ZNF680: variants seen among roughly 807,000 people sequenced by gnomAD.
ZNF680 encodes hypothetical protein FLJ90430.
ZNF680 carries 6 observed loss-of-function variants against 12.1 expected under a neutral mutation model. The ratio of observed to expected loss-of-function variants is 0.49; its 90% CI spans 0.27 to 0.98. The LOEUF is 0.98. ZNF680 is among the 50% of genes least tolerant of loss of function. The pLI, the probability that ZNF680 is intolerant of heterozygous loss-of-function variation, is 0.12. For missense variants in ZNF680, 561 were observed against 616.3 expected (o/e 0.91, Z 0.95); for synonymous variants, 170 against 199.3 (o/e 0.85, Z 1.24).
chr7:64,553,623 CCTCT>C (rs1490241891), intron 1 of ZNF680, among the ~76,000 whole-genome samples: 1 of 152,230 alleles, frequency 6.6e-6, no homozygotes, highest in Non-Finnish European at 1.5e-5. Flanking sequence ...CTCCTGTCTC[CCTCT>C]GATGCCAAGC....
intron 1 of ZNF680, among the ~76,000 whole-genome samples, chr7:64,548,024 G>C (rs182064972): frequency 1.3e-5 from 2 of 152,312 alleles, no homozygotes; most frequent in East Asian, 3.9e-4. Flanking sequence ...AATCTTAGCA[G>C]AACTGGGGCA....
chr7:64,554,353 C>T (rs933582467), intron 1 of ZNF680, among the ~76,000 whole-genome samples: 3 of 151,882 alleles, frequency 2.0e-5, no homozygotes, highest in Non-Finnish European at 2.9e-5. Flanking sequence ...GCCTGGCAGC[C>T]GCCCCGTCCG....
chr7:64,559,733 T>G (rs760073401), intron 1 of ZNF680, among the ~76,000 whole-genome samples: 1 of 152,114 alleles, frequency 6.6e-6, no homozygotes, highest in Non-Finnish European at 1.5e-5. Context: ...CCACCCACCT[T>G]GGCCTCCCAA....
rs772325488 is a variant in ZNF680 at position 64,521,540 on chromosome 7, G to A, written c.1214C>T (p.Pro405Leu). 6.2e-7 allele frequency: 1 copy of A among 1,613,178 alleles called. No homozygotes were observed. The highest frequency in any genetic ancestry group is 1.1e-5 in the South Asian group (1 of 91,072). Residue 405 changes from proline (P) to leucine (L), a missense_variant, in exon 4 of 4, where the codon CCC becomes CTC. Pro to Leu is a moderately conservative substitution (Grantham distance 98, BLOSUM62 -3). Coordinates refer to ENST00000309683, the MANE Select transcript of ZNF680 (RefSeq NM_178558.5). Reference protein sequence around the residue: ...EHMRIHTGEKPYKCEECGKAF... With the variant: ...EHMRIHTGEKLYKCEECGKAF... ...TTTGCCACATTCTTCACATTTGTAG[G>A]GTTTCTCTCCAGTATGAATTCTCAT...
At chr7:64,531,051 CA>C (rs1785846394) in intron 3 of ZNF680, among the ~76,000 whole-genome samples, 1 of 151,860 alleles carries the variant, frequency 6.6e-6, no homozygotes, top group African/African-American at 2.4e-5. Context: ...TTCAATAGTC[CA>C]CTGACAGAAC....
chr7:64,508,632 G>A, the ZNF680 span, among the ~76,000 whole-genome samples: 1 of 152,040 alleles, frequency 6.6e-6, no homozygotes, highest in Non-Finnish European at 1.5e-5. Context: ...TTCCAATCTA[G>A]CTACTTTTCA....
chr7:64,542,603 AT>A (rs1284556075), intron 3 of ZNF680, among the ~76,000 whole-genome samples: 26 of 152,210 alleles, frequency 1.7e-4, no homozygotes, highest in African/African-American at 5.5e-4. Context: ...AAACAATCTT[AT>A]TTACAGTAGC....
chr7:64,530,894 G>GTAA (rs1161917039), intron 3 of ZNF680, among the ~76,000 whole-genome samples: 343 of 143,448 alleles, frequency 2.4e-3, no homozygotes, highest in African/African-American at 7.5e-3. Context: ...AATAATAATA[G>GTAA]TAATAATAAT....
At chr7:64,526,306 T>C (rs956950311) in intron 3 of ZNF680, 3 of 1,173,804 alleles carry the variant, frequency 2.6e-6, no homozygotes, top group African/African-American at 3.2e-5. Flanking sequence ...TCAAGATTAG[T>C]GTACTTTAAA....
intron 1 of ZNF680, among the ~76,000 whole-genome samples, chr7:64,549,493 T>C (rs1786957194): frequency 6.6e-6 from 1 of 152,156 alleles, no homozygotes; most frequent in Non-Finnish European, 1.5e-5. Flanking sequence ...TGGTTTTCTG[T>C]ACATTCTCAA....
At chr7:64,535,106 A>G (rs1786090838) in intron 3 of ZNF680, among the ~76,000 whole-genome samples, 1 of 152,228 alleles carries the variant, frequency 6.6e-6, no homozygotes, top group South Asian at 2.1e-4. Context: ...AATTACCACT[A>G]AAGAACTTAC....
the ZNF680 span, among the ~76,000 whole-genome samples, chr7:64,504,143 T>C: frequency 6.6e-6 from 1 of 152,234 alleles, no homozygotes; most frequent in African/African-American, 2.4e-5. Context: ...AATAGTCTCA[T>C]CTATAGTTAT....
the ZNF680 span, among the ~76,000 whole-genome samples, chr7:64,510,942 TAAAAATA>T: frequency 0.59 from 46,216 of 78,660 alleles, 15,384 homozygotes; most frequent in African/African-American, 0.8. Flanking sequence ...AAAATAAAAA[TAAAAATA>T]AAAATAAAAC....
chr7:64,521,132 G>T lies in ZNF680; in HGVS notation c.*29C>A. Reference sequence around the variant, plus strand: ...TTCACATTTTTAGGGTTTCTCAACAGGATGGTGTCTTTTATGTTTAGAAAA... The same window carrying T: ...TTCACATTTTTAGGGTTTCTCAACATGATGGTGTCTTTTATGTTTAGAAAA... On this transcript the variant is annotated 3_prime_UTR_variant, in exon 4 of 4. Coordinates refer to ENST00000309683, the MANE Select transcript of ZNF680 (RefSeq NM_178558.5). 6.4e-7 allele frequency: 1 copy of T among 1,568,056 alleles called. No individual in the cohort carries two copies. Among genetic ancestry groups the T allele is most frequent in the Non-Finnish European group, 8.6e-7 (1 of 1,158,732 alleles).
the ZNF680 span, among the ~76,000 whole-genome samples, chr7:64,504,721 G>GTGCA: frequency 6.6e-6 from 1 of 152,150 alleles, no homozygotes; most frequent in Non-Finnish European, 1.5e-5. Context: ...CCAAGAGGAA[G>GTGCA]TGCACCACAT....
intron 3 of ZNF680, chr7:64,526,651 T>C: frequency 3.2e-6 from 1 of 316,936 alleles, no homozygotes; most frequent in Non-Finnish European, 5.7e-6. Context: ...ATACAATTCT[T>C]TACTCTCATA....
At chr7:64,527,529 C>T (rs1416790277) in intron 3 of ZNF680, among the ~76,000 whole-genome samples, 1 of 152,002 alleles carries the variant, frequency 6.6e-6, no homozygotes, top group African/African-American at 2.4e-5. Context: ...ATCCCCGTCT[C>T]TACTAAAAAT....
chr7:64,517,223 G>C (rs150077558), downstream of ZNF680, among the ~76,000 whole-genome samples: 164 of 152,112 alleles, frequency 1.1e-3, 1 homozygote, highest in African/African-American at 3.7e-3. Flanking sequence ...GAAAAAAAGA[G>C]AGAATATTCA....
At chr7:64,510,743 T>C in the ZNF680 span, among the ~76,000 whole-genome samples, 1 of 130,554 alleles carries the variant, frequency 7.7e-6, no homozygotes, top group South Asian at 2.7e-4. Context: ...ACCCCGTCTC[T>C]ACTAAAAATA....
Sources: gnomAD v4.1 joint callset for allele counts (sites outside exome capture counted in the v4.1 genomes callset) on GRCh38, gnomAD v4.1.1 for gene constraint, MANE v1.5 for transcripts, NCBI Gene and HGNC (gene_info 2026-07-23, HGNC 2026-07-21) for gene names.